Variants in ATF7 observed in about 807,000 individuals in gnomAD.
ATF7 encodes activating transcription factor 7.
A neutral mutation model predicts 50.4 loss-of-function variants in ATF7; 10 were observed. The observed-to-expected ratio is 0.20, with a 90% CI of 0.12 to 0.34. The LOEUF is 0.34. Among genes scored for constraint, ATF7 ranks in the 10% least tolerant of loss-of-function variants. The pLI is 1.00. For synonymous variants in ATF7, 201 were observed against 226.4 expected (o/e 0.89, Z 1.01); for missense variants, 465 against 613.9 (o/e 0.76, Z 2.56).
intron 3 of ATF7, among the ~76,000 whole-genome samples, chr12:53,548,676 A>G (rs1054745136): frequency 6.6e-6 from 1 of 152,178 alleles, no homozygotes; most frequent in African/African-American, 2.4e-5. Flanking sequence ...TATATGTAGA[A>G]AGCATCATAG....
At chr12:53,536,012 T>C in intron 5 of ATF7, among the ~76,000 whole-genome samples, 1 of 151,404 alleles carries the variant, frequency 6.6e-6, no homozygotes. Flanking sequence ...AGCAAGACTT[T>C]CTCTCAAAAG....
chr12:53,596,629 A>T (rs1943170395), intron 2 of ATF7, among the ~76,000 whole-genome samples: 1 of 152,238 alleles, frequency 6.6e-6, no homozygotes, highest in African/African-American at 2.4e-5. Flanking sequence ...CCAAAAGGTA[A>T]GTTATCTAAC....
chr12:53,588,132 G>A (rs945472609), intron 2 of ATF7, among the ~76,000 whole-genome samples: 15 of 152,094 alleles, frequency 9.9e-5, no homozygotes, highest in African/African-American at 3.4e-4. Flanking sequence ...TTTCAGGCAT[G>A]AGCCACTGCG....
At chr12:53,530,800 G>T (rs1007213647) in intron 9 of ATF7, among the ~76,000 whole-genome samples, 1 of 151,926 alleles carries the variant, frequency 6.6e-6, no homozygotes, top group African/African-American at 2.4e-5. Context: ...GTAGAGACAG[G>T]GTTTTGCCAT....
chr12:53,570,342 A>AG (rs1261744480), intron 2 of ATF7, among the ~76,000 whole-genome samples: 1 of 152,204 alleles, frequency 6.6e-6, no homozygotes. Context: ...ACAACAGCCT[A>AG]GGGGAAGAGA....
chr12:53,566,142 A>G lies in ATF7; in HGVS notation c.49-13505T>C, dbSNP rs138383885. On this transcript the variant is annotated intron_variant, in intron 2 of 11. Transcript: ENST00000420353. ...TACTTCCCATTAGGTCCCTCCCACA[A>G]TACATGGGGATTATTACAATTCAAG... is the stretch of plus-strand genomic sequence containing the variant. Among the ~76,000 whole-genome samples, 25 of 152,282 alleles carry G rather than the reference A, an allele frequency of 1.6e-4. 1 individual carries two copies. The East Asian group carries it at 4.8e-3, about 29-fold the overall frequency.
chr12:53,600,621 C>G (rs1012457222), intron 2 of ATF7: 1 of 188,262 alleles, frequency 5.3e-6, no homozygotes. Flanking sequence ...CGTGAGCCAC[C>G]GCGCCCGGCA....
In ATF7 at chr12:53,512,584, C is replaced by G. The variant is rs1367710809; in HGVS notation, c.*4553G>C. On this transcript the variant is annotated 3_prime_UTR_variant, in exon 12 of 12. Coordinates refer to ENST00000420353, the MANE Select transcript of ATF7 (RefSeq NM_006856.3). The stretch of plus-strand genomic sequence containing the variant: ...GTGTGTTGTAGGGGGAGGAATGGGA[C>G]AGCTGAAGCTTGGCTGGTCCTTACT... 5.3e-5 allele frequency: 8 copies of G among 152,228 alleles called. No individual in the cohort carries two copies. Among genetic ancestry groups the G allele is most frequent in the Non-Finnish European group, 1.2e-4 (8 of 68,052 alleles). 9.4% of individuals were successfully genotyped at this position (152,228 alleles called of 1,614,324 possible).
At chr12:53,607,083 T>C (rs1257696647) in intron 1 of ATF7, among the ~76,000 whole-genome samples, 1 of 152,182 alleles carries the variant, frequency 6.6e-6, no homozygotes, top group East Asian at 1.9e-4. Flanking sequence ...TATCCAGTAA[T>C]GGGATGGCTG....
At chr12:53,580,663 C>CAAAAAAAAAA (rs539252431) in intron 2 of ATF7, among the ~76,000 whole-genome samples, 1 of 37,710 alleles carries the variant, frequency 2.7e-5, no homozygotes, top group Admixed American at 2.5e-4. Flanking sequence ...GACTCCATCT[C>CAAAAAAAAAA]AAAAAAAAAA....
chr12:53,537,405 G>A lies in ATF7; in HGVS notation c.402+10C>T, dbSNP rs771893584. ...TTAACATTTGAGATGATCCTTGGTA[G>A]AGAATTTACCTTCTCCTTCAGTGGT... On this transcript the variant is annotated intron_variant, in intron 5 of 11. Coordinates refer to ENST00000420353, the MANE Select transcript of ATF7 (RefSeq NM_006856.3). The A allele has an allele frequency of 3.1e-6, 5 of 1,613,262 alleles. No homozygotes were observed. Among genetic ancestry groups the A allele is most frequent in the Non-Finnish European group, 4.2e-6 (5 of 1,179,604 alleles).
In ATF7 at chr12:53,600,985, G is replaced by T; in HGVS notation, c.16C>A (p.Pro6Thr). 1 of 1,613,314 alleles carries T rather than the reference G, an allele frequency of 6.2e-7. No homozygotes were observed. Among genetic ancestry groups the T allele is most frequent in the South Asian group, 1.1e-5 (1 of 91,010 alleles). Reference protein sequence around the residue: MGDDRPFVCNAPGCGQ... With the variant: MGDDRTFVCNAPGCGQ... The stretch of plus-strand genomic sequence containing the variant: ...CAGCCCGGGGCATTGCACACAAACG[G>T]TCTGTCGTCTCCCATATTTCATATA... The change falls in exon 2 of 12, where the codon CCG becomes ACG. Residue 6 changes from proline (P) to threonine (T), a missense_variant. Physicochemically the swap from Pro to Thr is conservative, Grantham distance 38 (BLOSUM62 -1). Transcript: ENST00000420353.
chr12:53,510,195 G>A (rs1303839783), downstream of ATF7, among the ~76,000 whole-genome samples: 1 of 151,722 alleles, frequency 6.6e-6, no homozygotes, highest in African/African-American at 2.4e-5. Context: ...ATGCACCACC[G>A]CGCCTGGCTA....
At chr12:53,544,981 G>A (rs1248929315) in intron 3 of ATF7, among the ~76,000 whole-genome samples, 3 of 152,198 alleles carry the variant, frequency 2.0e-5, no homozygotes, top group Non-Finnish European at 4.4e-5. Flanking sequence ...ATCCCTGGAT[G>A]AGTAGAAGTA....
intron 9 of ATF7, among the ~76,000 whole-genome samples, chr12:53,530,025 A>G (rs1938771908): frequency 6.6e-6 from 1 of 152,186 alleles, no homozygotes; most frequent in South Asian, 2.1e-4. Context: ...TACAGGTGTG[A>G]GCCACTGAAC....
intron 2 of ATF7, among the ~76,000 whole-genome samples, chr12:53,575,391 G>C (rs1942008342): frequency 7.4e-6 from 1 of 134,900 alleles, no homozygotes; most frequent in Non-Finnish European, 1.6e-5. Flanking sequence ...TGGGCAACAA[G>C]AGCAAAACTC....
intron 2 of ATF7, among the ~76,000 whole-genome samples, chr12:53,599,007 C>A (rs1434570243): frequency 6.6e-6 from 1 of 152,010 alleles, no homozygotes; most frequent in Non-Finnish European, 1.5e-5. Context: ...TATCTAATTC[C>A]ATGTAAAAAT....
At chr12:53,558,001 T>C (rs1230737498) in intron 2 of ATF7, among the ~76,000 whole-genome samples, 2 of 152,234 alleles carry the variant, frequency 1.3e-5, no homozygotes, top group Non-Finnish European at 2.9e-5. Context: ...AATCAAAACT[T>C]ACCTATGTGG....
intron 1 of ATF7, among the ~76,000 whole-genome samples, chr12:53,624,272 T>C (rs1452400138): frequency 2.0e-5 from 3 of 152,338 alleles, no homozygotes; most frequent in African/African-American, 2.4e-5. Flanking sequence ...CAATGTGCTA[T>C]AGGGGCAACT....
Sources: gnomAD v4.1 joint callset for allele counts (sites outside exome capture counted in the v4.1 genomes callset) on GRCh38, gnomAD v4.1.1 for gene constraint, MANE v1.5 for transcripts, NCBI Gene and HGNC (gene_info 2026-07-23, HGNC 2026-07-21) for gene names.